KLHL32: variants seen among roughly 807,000 people sequenced by gnomAD.
The protein encoded by KLHL32 is kelch-like protein 32.
KLHL32 carries 35 observed loss-of-function variants against 64.8 expected under a neutral mutation model. That is an observed-to-expected ratio of 0.54 (90% CI 0.41 to 0.72). The LOEUF (loss-of-function observed/expected upper bound fraction) is 0.72, where lower values mean the gene tolerates loss of function less well. KLHL32 is among the 30% of genes least tolerant of loss of function. KLHL32 has a pLI of 0.00. For missense variants in KLHL32, 589 were observed against 768.5 expected, an observed-to-expected ratio of 0.77 and a Z score of 2.76; for synonymous variants, 259 against 281.0, an observed-to-expected ratio of 0.92 and a Z score of 0.78.
chr6:97,060,211 C>T (rs1213383884), intron 4 of KLHL32, among the ~76,000 whole-genome samples: 4 of 152,022 alleles, frequency 2.6e-5, no homozygotes, highest in Non-Finnish European at 5.9e-5. Flanking sequence ...TCTGAAGATG[C>T]CAACTCACTT....
intron 3 of KLHL32, among the ~76,000 whole-genome samples, chr6:96,985,870 A>G (rs146625441): frequency 0.067 from 10,219 of 151,768 alleles, 422 homozygotes; most frequent in Middle Eastern, 0.15. Flanking sequence ...TCTTGTCTCA[A>G]CTCGTCAAAG....
intron 4 of KLHL32, among the ~76,000 whole-genome samples, chr6:97,060,089 T>C (rs2128147353): frequency 6.6e-6 from 1 of 152,218 alleles, no homozygotes; most frequent in South Asian, 2.1e-4. Context: ...GATTTTAACA[T>C]GCTCAAATCC....
At chr6:97,090,163 A>G (rs553080816) in intron 6 of KLHL32, among the ~76,000 whole-genome samples, 69 of 152,286 alleles carry the variant, frequency 4.5e-4, no homozygotes, top group African/African-American at 1.5e-3. Context: ...ATAAATAAAA[A>G]CAACAATGTA....
intron 3 of KLHL32, among the ~76,000 whole-genome samples, chr6:96,985,405 G>C (rs146336152): frequency 3.3e-5 from 5 of 151,968 alleles, no homozygotes; most frequent in African/African-American, 9.7e-5. Context: ...TTTCCTGAAT[G>C]TGAATGTTGG....
intron 3 of KLHL32, among the ~76,000 whole-genome samples, chr6:97,002,616 C>T (rs1239937671): frequency 3.3e-5 from 5 of 152,144 alleles, no homozygotes; most frequent in Non-Finnish European, 7.4e-5. Context: ...TTTATCCTCA[C>T]CCTCCTCCAA....
chr6:96,964,974 A>G (rs2128030643), intron 1 of KLHL32, among the ~76,000 whole-genome samples: 1 of 152,288 alleles, frequency 6.6e-6, no homozygotes, highest in Admixed American at 6.5e-5. Flanking sequence ...GTAACGAGCA[A>G]TGGAGTTTTT....
chr6:97,006,318 C>CTAGAA lies in KLHL32; in HGVS notation c.204+30147_204+30151dup, dbSNP rs1331780082. On this transcript the variant is annotated intron_variant, in intron 3 of 10. Transcript: ENST00000369261. Reference sequence around the variant, plus strand: ...GATTTATAGTCTTTTTTGCCTGATACTAGAATAGAAAGCTCTGCTCTTTTC... The same window carrying CTAGAA: ...GATTTATAGTCTTTTTTGCCTGATACTAGAATAGAATAGAAAGCTCTGCTCTTTTC... Among the ~76,000 whole-genome samples, 6 of 152,174 alleles carry CTAGAA rather than the reference C, an allele frequency of 3.9e-5. No homozygotes were observed. In the East Asian group the frequency reaches 9.6e-4, roughly 24 times the overall value.
chr6:96,972,909 G>A (rs1015620837), intron 2 of KLHL32, among the ~76,000 whole-genome samples: 2 of 152,178 alleles, frequency 1.3e-5, no homozygotes, highest in Non-Finnish European at 2.9e-5. Context: ...TTCCAGCTAT[G>A]TTCTGTGGCC....
intron 4 of KLHL32, among the ~76,000 whole-genome samples, chr6:97,062,028 T>C (rs1788991827): frequency 6.6e-6 from 1 of 152,170 alleles, no homozygotes; most frequent in South Asian, 2.1e-4. Context: ...TGCTAAAGCA[T>C]ATTTTAGAAA....
At chr6:97,004,108 T>G (rs370395475) in intron 3 of KLHL32, among the ~76,000 whole-genome samples, 47 of 152,364 alleles carry the variant, frequency 3.1e-4, no homozygotes, top group African/African-American at 1.0e-3. Flanking sequence ...TTCCTATTCA[T>G]GAGTATGGAA....
chr6:96,977,702 A>G (rs1775861632), intron 3 of KLHL32, among the ~76,000 whole-genome samples: 1 of 152,216 alleles, frequency 6.6e-6, no homozygotes, highest in Admixed American at 6.5e-5. Context: ...GACAATATCA[A>G]CTGCACTTAA....
chr6:96,988,672 C>G (rs1187051216), intron 3 of KLHL32, among the ~76,000 whole-genome samples: 3 of 152,198 alleles, frequency 2.0e-5, no homozygotes, highest in African/African-American at 7.2e-5. Context: ...TATTGCAGCA[C>G]TATTCACAAT....
At chr6:97,134,730 A>G (rs2128223748) in intron 10 of KLHL32, among the ~76,000 whole-genome samples, 1 of 152,322 alleles carries the variant, frequency 6.6e-6, no homozygotes, top group African/African-American at 2.4e-5. Flanking sequence ...TAACATAATG[A>G]GGAAATAAAG....
chr6:97,022,174 C>G lies in KLHL32; in HGVS notation c.205-19318C>G, dbSNP rs142116315. Among the ~76,000 whole-genome samples the G allele has an allele frequency of 1.4e-3, 207 of 151,098 alleles. 18 individuals are homozygous for G. Among genetic ancestry groups the G allele is most frequent in the African/African-American group, 4.9e-3 (197 of 40,378 alleles). ...TTGGATTGTCATTTCTGCTCAAACC[C>G]TATGACGGTTTCTACTCTTATGCAG... On this transcript the variant is annotated intron_variant, in intron 3 of 10. Coordinates refer to ENST00000369261, the MANE Select transcript of KLHL32 (RefSeq NM_052904.4).
intron 1 of KLHL32, among the ~76,000 whole-genome samples, chr6:96,928,265 A>T (rs963391382): frequency 1.3e-5 from 2 of 152,146 alleles, no homozygotes; most frequent in African/African-American, 4.8e-5. Context: ...ATTAAATGAA[A>T]ATCCTTATAG....
At position 97,140,613 on chromosome 6, in the gene KLHL32, T is replaced by C. The variant is rs1192917844; in HGVS notation, c.*1331T>C. The C allele has an allele frequency of 2.0e-5, 3 of 152,038 alleles. No individual in the cohort carries two copies. Among genetic ancestry groups the C allele is most frequent in the Non-Finnish European group, 2.9e-5 (2 of 67,878 alleles). 9.4% of individuals were successfully genotyped at this position (152,038 alleles called of 1,614,324 possible). ...TAACTTCCTCAGGACCTAGGTCACC[T>C]TTATTAAAAGGAAGAATTCACTCTT... On this transcript the variant is annotated 3_prime_UTR_variant, in exon 11 of 11. Coordinates refer to ENST00000369261, the MANE Select transcript of KLHL32 (RefSeq NM_052904.4).
At chr6:97,050,549 G>A (rs540769277) in intron 4 of KLHL32, among the ~76,000 whole-genome samples, 26 of 152,186 alleles carry the variant, frequency 1.7e-4, no homozygotes, top group African/African-American at 6.0e-4. Flanking sequence ...AAGGCAAGCA[G>A]GAAAATAGGG....
intron 3 of KLHL32, among the ~76,000 whole-genome samples, chr6:97,015,358 A>G (rs755403946): frequency 1.3e-5 from 2 of 152,190 alleles, no homozygotes; most frequent in Non-Finnish European, 2.9e-5. Context: ...AAGATGTGGG[A>G]AAGTTTGAAG....
intron 3 of KLHL32, among the ~76,000 whole-genome samples, chr6:96,986,182 C>T (rs1224297266): frequency 5.9e-5 from 9 of 152,212 alleles, no homozygotes; most frequent in Non-Finnish European, 1.0e-4. Context: ...GGCTGCAGAA[C>T]AGCAGATATT....
Sources: gnomAD v4.1 joint callset for allele counts (sites outside exome capture counted in the v4.1 genomes callset) on GRCh38, gnomAD v4.1.1 for gene constraint, MANE v1.5 for transcripts, NCBI Gene and HGNC (gene_info 2026-07-23, HGNC 2026-07-21) for gene names.